Variants in UPF2 observed in about 807,000 individuals in gnomAD.
UPF2 encodes the protein UPF2 regulator of nonsense mediated mRNA decay, also known as regulator of nonsense transcripts 2.
Under a neutral mutation model 141.4 loss-of-function variants are expected in UPF2, and 17 were observed. The observed-to-expected ratio is 0.12, with a 90% confidence interval of 0.08 to 0.18. The LOEUF (loss-of-function observed/expected upper bound fraction) is 0.18, where lower values mean the gene tolerates loss of function less well. UPF2 is among the 10% of genes least tolerant of loss of function. The pLI is 1.00. For missense variants in UPF2, 1,152 were observed against 1,515.9 expected (o/e 0.76, Z 3.99); for synonymous variants, 540 against 498.0 (o/e 1.08, Z -1.12).
chr10:11,983,407 C>T (rs961018922), intron 8 of UPF2, among the ~76,000 whole-genome samples: 1 of 152,050 alleles, frequency 6.6e-6, no homozygotes, highest in Non-Finnish European at 1.5e-5. Flanking sequence ...GAGTCTCGCT[C>T]TGCCGCCCAG....
intron 16 of UPF2, among the ~76,000 whole-genome samples, chr10:11,943,574 A>G (rs1159155295): frequency 1.3e-5 from 2 of 152,260 alleles, no homozygotes; most frequent in Admixed American, 6.5e-5. Flanking sequence ...ACCAGCTGAA[A>G]GCAGTGATAC....
At chr10:11,938,871 T>TTG (rs1832898472) in intron 18 of UPF2, among the ~76,000 whole-genome samples, 1 of 107,562 alleles carries the variant, frequency 9.3e-6, no homozygotes, top group Non-Finnish European at 1.9e-5. Flanking sequence ...TTTTTTTTTT[T>TTG]TTTTTTTTTT....
At chr10:12,009,483 A>G (rs1210995688) in intron 4 of UPF2, among the ~76,000 whole-genome samples, 1 of 152,252 alleles carries the variant, frequency 6.6e-6, no homozygotes, top group Non-Finnish European at 1.5e-5. Context: ...CCTCTTCTGC[A>G]CAAGGTGAAG....
At chr10:11,984,097 A>C (rs1277826305) in intron 8 of UPF2, among the ~76,000 whole-genome samples, 2 of 151,938 alleles carry the variant, frequency 1.3e-5, no homozygotes, top group Non-Finnish European at 2.9e-5. Flanking sequence ...CTAAGTGTGT[A>C]TTTTTAGTAG....
intron 4 of UPF2, among the ~76,000 whole-genome samples, chr10:12,012,222 C>G (rs1445765641): frequency 1.3e-5 from 2 of 149,008 alleles, no homozygotes; most frequent in Non-Finnish European, 3.0e-5. Flanking sequence ...ACCACCATGC[C>G]CAGCTAGCTT....
intron 17 of UPF2, 59 bp from the exon 18 acceptor site, chr10:11,942,822 G>A: frequency 1.3e-6 from 2 of 1,508,470 alleles, no homozygotes; most frequent in Non-Finnish European, 1.8e-6. Flanking sequence ...GTTTTCTAGG[G>A]CAAAGCCTTT....
rs1312805381 is a variant in UPF2, at chr10:11,992,500, G to A, written c.1844+5172C>T. The stretch of plus-strand genomic sequence containing the variant: ...ACAGAGACTGTCTAAATAAATAATC[G>A]CTAAGCAAACTTACAATCATAAAGT... On this transcript the variant is annotated intron_variant, in intron 8 of 21. Transcript: ENST00000357604. This position sits in a 1 kb window ranked among gnomAD's most constrained non-coding sequence, Gnocchi z 4.1. Among the ~76,000 whole-genome samples, 5 of 151,938 alleles carry A rather than the reference G, an allele frequency of 3.3e-5. No individual in the cohort carries two copies. Among genetic ancestry groups the A allele is most frequent in the Non-Finnish European group, 7.4e-5 (5 of 67,998 alleles).
chr10:11,930,032 G>A (rs1275234897), intron 20 of UPF2, 47 bp from the exon 21 acceptor site: 2 of 1,612,978 alleles, frequency 1.2e-6, no homozygotes, highest in Non-Finnish European at 1.7e-6. Context: ...TCTTAGAAAT[G>A]TACTCCTCCT....
chr10:11,938,867 T>TTTTTTTTGTTTTG (rs1832896017), intron 18 of UPF2, among the ~76,000 whole-genome samples: 1 of 103,358 alleles, frequency 9.7e-6, no homozygotes, highest in South Asian at 4.9e-4. Context: ...TTTTTTTTTT[T>TTTTTTTTGTTTTG]TTTTTTTTTT....
At chr10:11,976,389 G>C (rs1833507226) in intron 9 of UPF2, among the ~76,000 whole-genome samples, 1 of 152,190 alleles carries the variant, frequency 6.6e-6, no homozygotes, top group African/African-American at 2.4e-5. Context: ...TTAGAAGACA[G>C]CATCAAATGA....
rs1833045800 is a variant in UPF2, at chr10:11,949,386, T to A, written c.3035-878A>T. ...ACTTTCAAATCCCATCCACTCTTCA[T>A]GTTCAGTTTCAGTTTTACTTCCTGC... On this transcript the variant is annotated intron_variant, in intron 15 of 21. Transcript: ENST00000357604. 1.3e-5 allele frequency among the ~76,000 whole-genome samples: 2 copies of A among 152,258 alleles called. 1 individual carries two copies. The highest frequency in any genetic ancestry group is 3.8e-4 in the East Asian group (2 of 5,204).
chr10:11,948,379 G>T lies in UPF2; in HGVS notation c.3164C>A (p.Pro1055Gln). Reference protein sequence around the residue: ...QSGNESEVNEPEEEEGSDNDD... With the variant: ...QSGNESEVNEQEEEEGSDNDD... ...TATAAAAGTCATCACCTCTTCTTCTGGCTCATTTACTTCACTTTCATTTCC... is the reference window on the plus strand; with the variant it reads ...TATAAAAGTCATCACCTCTTCTTCTTGCTCATTTACTTCACTTTCATTTCC... Residue 1055 changes from proline (P) to glutamine (Q), a missense_variant, in exon 16 of 22, where the codon CCA (proline) becomes CAA (glutamine). By Grantham distance (76) the Pro-to-Gln change is moderately conservative. Transcript: ENST00000357604. 6.3e-7 allele frequency: 1 copy of T among 1,586,056 alleles called. No homozygotes were observed. Among genetic ancestry groups the T allele is most frequent in the Non-Finnish European group, 8.6e-7 (1 of 1,164,148 alleles).
intron 16 of UPF2, among the ~76,000 whole-genome samples, chr10:11,945,801 A>G (rs1832993382): frequency 6.6e-6 from 1 of 152,170 alleles, no homozygotes; most frequent in South Asian, 2.1e-4. Flanking sequence ...TTTATTAGAT[A>G]CTGCTCATGT....
At chr10:12,013,624 A>C (rs1440894518) in intron 4 of UPF2, among the ~76,000 whole-genome samples, 1 of 152,128 alleles carries the variant, frequency 6.6e-6, no homozygotes, top group Non-Finnish European at 1.5e-5. Flanking sequence ...AAAGATATCT[A>C]TCTATTACAC....
rs1212643521 is a variant in UPF2, at chr10:11,980,803, A to G, written c.1845-1638T>C. 2.0e-5 allele frequency among the ~76,000 whole-genome samples: 3 copies of G among 152,136 alleles called. No homozygotes were observed. The highest frequency in any genetic ancestry group is 4.4e-5 in the Non-Finnish European group (3 of 68,000). ...ATATGAAAATGTTTGATGGTCAGGG[A>G]AAAAAACACATAATTCGATCTGGAA... On this transcript the variant is annotated intron_variant, in intron 8 of 21. Coordinates refer to ENST00000357604, the MANE Select transcript of UPF2 (RefSeq NM_015542.4). The surrounding 1 kb of genome is among the most constrained non-coding windows in gnomAD (Gnocchi z 4.2).
intron 21 of UPF2, among the ~76,000 whole-genome samples, chr10:11,925,667 C>T (rs1276439593): frequency 6.6e-5 from 10 of 152,268 alleles, no homozygotes; most frequent in Non-Finnish European, 1.3e-4. Context: ...CAGATCCGCA[C>T]TGACCTATGT....
Position 11,956,268 on chromosome 10 carries a change from A to C in UPF2, c.2574+52T>G, listed in dbSNP as rs1833148602. 1 of 1,549,066 alleles carries C rather than the reference A, an allele frequency of 6.5e-7. No individual in the cohort carries two copies. The highest frequency in any genetic ancestry group is 1.7e-5 in the Admixed American group (1 of 59,496). ...GAGTCTCAATAGTAACCTAGAAATA[A>C]TAAATTCTCCACGAATTCCAGTTGT... On this transcript the variant is annotated intron_variant, in intron 13 of 21. Coordinates refer to ENST00000357604, the MANE Select transcript of UPF2 (RefSeq NM_015542.4). The surrounding 1 kb of genome is among the most constrained non-coding windows in gnomAD (Gnocchi z 4.2).
intron 5 of UPF2, among the ~76,000 whole-genome samples, chr10:12,002,184 T>C (rs1001004531): frequency 1.3e-5 from 2 of 152,054 alleles, no homozygotes; most frequent in South Asian, 2.1e-4. Context: ...GGCAGGAGAA[T>C]TGCTTGAACC....
intron 3 of UPF2, among the ~76,000 whole-genome samples, chr10:12,015,123 T>G (rs1834194895): frequency 6.6e-6 from 1 of 152,204 alleles, no homozygotes; most frequent in South Asian, 2.1e-4. Flanking sequence ...TATTTGAAAT[T>G]TATAAACCAT....
Sources: allele counts gnomAD v4.1 joint callset (sites outside exome capture counted in the v4.1 genomes callset), GRCh38; gene constraint gnomAD v4.1.1; non-coding constraint Gnocchi (gnomAD v3.1); transcripts MANE v1.5; gene names NCBI Gene and HGNC (gene_info 2026-07-23, HGNC 2026-07-21).